Variants in BRSK2 observed in about 807,000 individuals in gnomAD.
BRSK2 encodes serine/threonine-protein kinase BRSK2.
Under a neutral mutation model 83.3 loss-of-function variants are expected in BRSK2, and 19 were observed. That is an observed-to-expected ratio of 0.23 (90% CI 0.16 to 0.33). The LOEUF is 0.33. Among genes scored for constraint, BRSK2 ranks in the 10% least tolerant of loss-of-function variants. BRSK2 has a pLI of 1.00. For synonymous variants in BRSK2, 519 were observed against 435.4 expected, an observed-to-expected ratio of 1.19 and a Z score of -2.39; for missense variants, 798 against 1,042.3, an observed-to-expected ratio of 0.77 and a Z score of 3.23.
chr11:1,390,881 A>T lies in BRSK2; in HGVS notation c.91+506A>T, dbSNP rs1184021245. 6.6e-6 allele frequency among the ~76,000 whole-genome samples: 1 copy of T among 152,030 alleles called. No individual in the cohort carries two copies. On this transcript the variant is annotated intron_variant, in intron 1 of 19. Coordinates refer to ENST00000528841, the MANE Select transcript of BRSK2 (RefSeq NM_001256627.2). This position sits in a 1 kb window ranked among gnomAD's most constrained non-coding sequence, Gnocchi z 6.8. The stretch of plus-strand genomic sequence containing the variant: ...GATCTCCCTCCGCGGTGGGGGCGGG[A>T]GAGTGCGGGGACCTGCAGAGGGCTG...
chr11:1,436,782 G>A (rs897405571), intron 2 of BRSK2, among the ~76,000 whole-genome samples: 12 of 152,062 alleles, frequency 7.9e-5, no homozygotes, highest in Admixed American at 7.9e-4. Context: ...GGCCAGTCGA[G>A]CCCCCTCCTC....
At chr11:1,410,957 G>A (rs376547175) in intron 1 of BRSK2, 2 of 987,862 alleles carry the variant, frequency 2.0e-6, no homozygotes, top group East Asian at 1.1e-4. Flanking sequence ...CTGGGGTGGG[G>A]GCTCCAGCCC....
chr11:1,402,340 C>G (rs1846534461), intron 1 of BRSK2, among the ~76,000 whole-genome samples: 2 of 152,210 alleles, frequency 1.3e-5, no homozygotes, highest in African/African-American at 2.4e-5. Context: ...CTCATGTGGC[C>G]TAAGGGTAGG....
chr11:1,444,648 C>T (rs1851770504), intron 8 of BRSK2, among the ~76,000 whole-genome samples: 2 of 152,040 alleles, frequency 1.3e-5, no homozygotes. Flanking sequence ...TCCAGCTTCC[C>T]TCCCTCCCCC....
chr11:1,438,518 C>G lies in BRSK2; in HGVS notation c.272+127C>G. 1.2e-6 allele frequency: 1 copy of G among 807,464 alleles called. No homozygotes were observed. The highest frequency in any genetic ancestry group is 2.0e-6 in the Non-Finnish European group (1 of 493,210). The allele number at this position is 807,464 out of a possible 1,614,324, so 50.0% of individuals were successfully genotyped here. A position where few individuals can be genotyped will look rare whatever the true frequency, so the allele number is the denominator to read the frequency against. On this transcript the variant is annotated intron_variant, in intron 3 of 19. Transcript: ENST00000528841. This position sits in a 1 kb window ranked among gnomAD's most constrained non-coding sequence, Gnocchi z 6.4. ...GGGCGCCTGCTGCATCCCAGCAGCCCTGGCCCTGCTAGCATGAACACCTGC... is the reference window on the plus strand; with the variant it reads ...GGGCGCCTGCTGCATCCCAGCAGCCGTGGCCCTGCTAGCATGAACACCTGC...
chr11:1,456,272 C>T, intron 16 of BRSK2, 76 bp from the exon 17 acceptor site: 1 of 1,429,706 alleles, frequency 7.0e-7, no homozygotes, highest in Non-Finnish European at 9.3e-7. Context: ...GGCTGGCTCG[C>T]CCCAGGGCTG....
chr11:1,395,015 G>T (rs1845983511), intron 1 of BRSK2, among the ~76,000 whole-genome samples: 1 of 152,122 alleles, frequency 6.6e-6, no homozygotes, highest in South Asian at 2.1e-4. Context: ...GAGATGGGCT[G>T]TGCAGGGCTG....
At chr11:1,422,796 C>T (rs1028364991) in intron 1 of BRSK2, among the ~76,000 whole-genome samples, 39 of 152,256 alleles carry the variant, frequency 2.6e-4, no homozygotes, top group African/African-American at 5.3e-4. Flanking sequence ...GTTTGCCCAG[C>T]GCCATGTCCA....
At chr11:1,456,247 A>T in intron 16 of BRSK2, 101 bp from the exon 17 acceptor site, 3 of 1,221,686 alleles carry the variant, frequency 2.5e-6, no homozygotes, top group Non-Finnish European at 2.2e-6. Context: ...GGTGCTCACA[A>T]TGTGTGCACG....
chr11:1,452,707 C>T (rs1228192519), intron 15 of BRSK2, among the ~76,000 whole-genome samples: 2 of 152,166 alleles, frequency 1.3e-5, no homozygotes, highest in Non-Finnish European at 2.9e-5. Context: ...CTGCGACAGC[C>T]GTTCCCGAGG....
chr11:1,455,925 G>A (rs935576380), intron 16 of BRSK2, among the ~76,000 whole-genome samples: 3 of 146,510 alleles, frequency 2.0e-5, no homozygotes, highest in East Asian at 2.2e-4. Flanking sequence ...CAGCAGGAGG[G>A]CACAGCCCCA....
intron 1 of BRSK2, among the ~76,000 whole-genome samples, chr11:1,412,800 G>A (rs557584740): frequency 2.7e-5 from 4 of 149,638 alleles, no homozygotes; most frequent in East Asian, 1.9e-4. Context: ...ACCCAGGCCC[G>A]TTGGATCACT....
chr11:1,427,034 C>G (rs1430611053), intron 1 of BRSK2, among the ~76,000 whole-genome samples: 1 of 152,172 alleles, frequency 6.6e-6, no homozygotes, highest in Non-Finnish European at 1.5e-5. Flanking sequence ...AGTGCCAACA[C>G]TGCCACCTGC....
chr11:1,427,844 A>C (rs2132926201), intron 1 of BRSK2, among the ~76,000 whole-genome samples: 1 of 152,274 alleles, frequency 6.6e-6, no homozygotes, highest in Admixed American at 6.5e-5. Flanking sequence ...CCCAGTCAGG[A>C]GGGCCTCTCA....
At chr11:1,411,342 A>C in intron 1 of BRSK2, 1 of 1,405,130 alleles carries the variant, frequency 7.1e-7, no homozygotes, top group Non-Finnish European at 9.2e-7. Context: ...AGCAGGGGGC[A>C]CAGTTCTGCC....
chr11:1,422,854 G>A (rs1848766427), intron 1 of BRSK2, among the ~76,000 whole-genome samples: 1 of 152,172 alleles, frequency 6.6e-6, no homozygotes, highest in Non-Finnish European at 1.5e-5. Flanking sequence ...GCTTGTGCTG[G>A]CCCCAGCTGG....
chr11:1,417,366 C>T (rs764866956), intron 1 of BRSK2, among the ~76,000 whole-genome samples: 12 of 152,216 alleles, frequency 7.9e-5, no homozygotes, highest in African/African-American at 2.2e-4. Context: ...ATTGTACCCA[C>T]GCTGCTGTTC....
chr11:1,460,464 T>TTC, intron 19 of BRSK2, 36 bp from the exon 20 acceptor site: 5 of 325,332 alleles, frequency 1.5e-5, no homozygotes, highest in South Asian at 7.4e-5. Context: ...TTTTTTCCTT[T>TTC]TTTTTTTTTT....
chr11:1,407,683 A>T (rs1846986603), intron 1 of BRSK2, among the ~76,000 whole-genome samples: 1 of 152,246 alleles, frequency 6.6e-6, no homozygotes, highest in Non-Finnish European at 1.5e-5. Context: ...TAGTTACAGG[A>T]TTCAATCAAA....
Sources: allele counts gnomAD v4.1 joint callset (sites outside exome capture counted in the v4.1 genomes callset), GRCh38; gene constraint gnomAD v4.1.1; non-coding constraint Gnocchi (gnomAD v3.1); transcripts MANE v1.5; gene names NCBI Gene and HGNC (gene_info 2026-07-23, HGNC 2026-07-21).